DCDC2: variants seen among roughly 807,000 people sequenced by gnomAD.
The protein encoded by DCDC2 is doublecortin domain-containing protein 2.
Under a neutral mutation model 50.2 loss-of-function variants are expected in DCDC2, and 40 were observed. The ratio of observed to expected loss-of-function variants is 0.80; its 90% CI spans 0.62 to 1.04. The LOEUF is 1.04. DCDC2 is among the 50% of genes least tolerant of loss of function. The pLI, the probability that DCDC2 is intolerant of heterozygous loss-of-function variation, is 0.00. For synonymous variants in DCDC2, 234 were observed against 210.6 expected (o/e 1.11, Z -0.96); for missense variants, 570 against 581.9 (o/e 0.98, Z 0.21).
intron 2 of DCDC2, among the ~76,000 whole-genome samples, chr6:24,316,166 T>C (rs1267040645): frequency 6.6e-6 from 1 of 152,148 alleles, no homozygotes; most frequent in Non-Finnish European, 1.5e-5. Context: ...GTGCCATTCA[T>C]GCAGGCAGGC....
At chr6:24,302,526 GAC>G (rs1369891013) in intron 2 of DCDC2, among the ~76,000 whole-genome samples, 2 of 151,854 alleles carry the variant, frequency 1.3e-5, no homozygotes, top group African/African-American at 4.8e-5. Context: ...TCTTAAGACT[GAC>G]ACAAGCAATT....
intron 2 of DCDC2, among the ~76,000 whole-genome samples, chr6:24,303,529 C>A (rs1724972545): frequency 6.6e-6 from 1 of 152,172 alleles, no homozygotes. Context: ...ACCAATCATT[C>A]CCTGCTCATT....
At position 24,337,754 on chromosome 6, in the gene DCDC2, T is replaced by C. The variant is rs369657275; in HGVS notation, c.348+15815A>G. ...CGGAGGTTGCAGTGAGCTGAGATGG[T>C]GCCACCGTACTCCAGCCTGGGCCAT... On this transcript the variant is annotated intron_variant, in intron 2 of 9. Transcript: ENST00000378454. Among the ~76,000 whole-genome samples, 114 of 142,876 alleles carry C rather than the reference T, an allele frequency of 8.0e-4. No homozygotes were observed. The South Asian group carries it at 0.018, about 22-fold the overall frequency. The allele number at this position is 142,876 out of a possible 152,430, so 93.7% of individuals were successfully genotyped here.
intron 2 of DCDC2, among the ~76,000 whole-genome samples, chr6:24,328,398 T>G (rs1325177500): frequency 6.6e-6 from 1 of 152,220 alleles, no homozygotes; most frequent in Non-Finnish European, 1.5e-5. Flanking sequence ...GCTTATAAGT[T>G]CAACTAATTG....
chr6:24,341,491 A>G (rs1037566799), intron 2 of DCDC2, among the ~76,000 whole-genome samples: 2 of 144,320 alleles, frequency 1.4e-5, no homozygotes, highest in African/African-American at 2.6e-5. Context: ...GAAATCAGCC[A>G]AGTGCAAATA....
Position 24,357,568 on chromosome 6 carries a change from G to C in DCDC2, c.183C>G (p.Ala61=), listed in dbSNP as rs33943110. ...VTGGVQAPFG[A]VRNIYTPRTG... ...TCCGCGGGGTGTAGATGTTCCTGAC[G>C]GCCCCAAAGGGTGCCTGAACGCCGC... Residue 61 remains alanine, a synonymous_variant, in exon 1 of 10, where the codon GCC becomes GCG. Coordinates refer to ENST00000378454, the MANE Select transcript of DCDC2 (RefSeq NM_016356.5). 8 of 1,613,218 alleles carry C rather than the reference G, an allele frequency of 5.0e-6. No homozygotes were observed. In the African/African-American group the frequency reaches 5.3e-5, roughly 11 times the overall value.
At position 24,302,115 on chromosome 6, in the gene DCDC2, T is replaced by C. The variant is rs1017575338; in HGVS notation, c.349-71A>G. 3.7e-6 allele frequency: 5 copies of C among 1,361,622 alleles called. No individual in the cohort carries two copies. The African/African-American group carries it at 7.4e-5, about 20-fold the overall frequency. 84.3% of individuals were successfully genotyped at this position (1,361,622 alleles called of 1,614,324 possible). On this transcript the variant is annotated intron_variant, in intron 2 of 9. Coordinates refer to ENST00000378454, the MANE Select transcript of DCDC2 (RefSeq NM_016356.5). ...AGCTTTTTTTTTCCTATGAGGAAAA[T>C]CTACAGTTTCTAGGGAACTGCCTGA...
At chr6:24,235,818 C>A (rs771790054) in intron 7 of DCDC2, among the ~76,000 whole-genome samples, 1 of 152,110 alleles carries the variant, frequency 6.6e-6, no homozygotes, top group Non-Finnish European at 1.5e-5. Flanking sequence ...CAATAATGTA[C>A]AAGCTGAGAG....
intron 7 of DCDC2, among the ~76,000 whole-genome samples, chr6:24,221,152 T>A (rs1201970281): frequency 1.3e-5 from 2 of 152,120 alleles, no homozygotes; most frequent in Non-Finnish European, 2.9e-5. Flanking sequence ...AAAGGATAAT[T>A]CACTTAAGAG....
intron 8 of DCDC2, among the ~76,000 whole-genome samples, chr6:24,192,637 G>A (rs1761338731): frequency 6.6e-6 from 1 of 152,066 alleles, no homozygotes; most frequent in South Asian, 2.1e-4. Context: ...CAGAGAATGT[G>A]AAAGAGCTCT....
intron 2 of DCDC2, among the ~76,000 whole-genome samples, chr6:24,338,959 T>C (rs1394312904): frequency 2.0e-5 from 3 of 152,188 alleles, no homozygotes; most frequent in African/African-American, 7.2e-5. Context: ...TGGTTGGTTT[T>C]AGGAAAAAGA....
At chr6:24,227,358 A>G (rs1762252420) in intron 7 of DCDC2, among the ~76,000 whole-genome samples, 1 of 152,210 alleles carries the variant, frequency 6.6e-6, no homozygotes, top group East Asian at 1.9e-4. Flanking sequence ...TCTGTAGAAA[A>G]GAGAGATGGG....
intron 7 of DCDC2, among the ~76,000 whole-genome samples, chr6:24,277,758 A>G (rs1763390957): frequency 6.6e-6 from 1 of 152,118 alleles, no homozygotes; most frequent in Non-Finnish European, 1.5e-5. Context: ...GTAGGTAAAA[A>G]TATTAATCAA....
At chr6:24,328,124 G>A (rs964063583) in intron 2 of DCDC2, among the ~76,000 whole-genome samples, 1 of 152,220 alleles carries the variant, frequency 6.6e-6, no homozygotes, top group African/African-American at 2.4e-5. Flanking sequence ...AAGAACCAAA[G>A]AGAAATACTT....
chr6:24,267,662 A>G (rs1307133987), intron 7 of DCDC2, among the ~76,000 whole-genome samples: 1 of 152,184 alleles, frequency 6.6e-6, no homozygotes, highest in African/African-American at 2.4e-5. Flanking sequence ...TCTCCACAGA[A>G]AAGACACAAA....
chr6:24,176,110 C>T (rs964285039), intron 9 of DCDC2, among the ~76,000 whole-genome samples: 1 of 151,864 alleles, frequency 6.6e-6, no homozygotes, highest in African/African-American at 2.4e-5. Context: ...CTGTGCAACA[C>T]AGGGAGGGAG....
At chr6:24,196,740 T>C (rs1761453003) in intron 8 of DCDC2, among the ~76,000 whole-genome samples, 1 of 152,190 alleles carries the variant, frequency 6.6e-6, no homozygotes, top group Non-Finnish European at 1.5e-5. Flanking sequence ...AAGACCTATC[T>C]GACAGGGTTG....
At chr6:24,266,836 T>C (rs1180196054) in intron 7 of DCDC2, among the ~76,000 whole-genome samples, 2 of 152,142 alleles carry the variant, frequency 1.3e-5, no homozygotes, top group Non-Finnish European at 2.9e-5. Flanking sequence ...AATCAGTATA[T>C]CAAAGAGATA....
intron 7 of DCDC2, among the ~76,000 whole-genome samples, chr6:24,272,979 C>T (rs887024585): frequency 2.0e-5 from 3 of 151,500 alleles, no homozygotes; most frequent in Non-Finnish European, 4.4e-5. Context: ...CAATGGATAA[C>T]TGGAAAAAGA....
Sources: gnomAD v4.1 joint callset for allele counts (sites outside exome capture counted in the v4.1 genomes callset) on GRCh38, gnomAD v4.1.1 for gene constraint, MANE v1.5 for transcripts, NCBI Gene and HGNC (gene_info 2026-07-23, HGNC 2026-07-21) for gene names.